The following RFTN1 variants were observed in gnomAD, a reference collection of about 807,000 sequenced individuals.
The protein encoded by RFTN1 is raftlin, lipid raft linker 1, also known as raftlin.
A neutral mutation model predicts 46.5 loss-of-function variants in RFTN1; 26 were observed. The ratio of observed to expected loss-of-function variants is 0.56; its 90% confidence interval spans 0.41 to 0.78. The LOEUF is 0.78. RFTN1 is among the 30% of genes least tolerant of loss of function. The probability of loss-of-function intolerance (pLI) is 0.00; values close to 1 mark genes in which losing one functional copy is unlikely to be tolerated. For missense variants in RFTN1, 693 were observed against 718.7 expected, an observed-to-expected ratio of 0.96 and a Z score of 0.41; for synonymous variants, 261 against 284.2, an observed-to-expected ratio of 0.92 and a Z score of 0.82.
intron 3 of RFTN1, among the ~76,000 whole-genome samples, chr3:16,432,682 A>C (rs1265764121): frequency 6.6e-6 from 1 of 152,178 alleles, no homozygotes; most frequent in Non-Finnish European, 1.5e-5. Context: ...ACAGAAAAAA[A>C]AAAGAGAGAG....
At position 16,427,725 on chromosome 3, in the gene RFTN1, G is replaced by A. The variant is rs771474655; in HGVS notation, c.332+6126C>T. On this transcript the variant is annotated intron_variant, in intron 3 of 9. Transcript: ENST00000334133. This position sits in a 1 kb window ranked among gnomAD's most constrained non-coding sequence, Gnocchi z 5.4. ...GGCTAAGTCAGCAGCTAGAGAAGTG[G>A]GCCCTGGCCTGAGGGGCTCATTACA... 2.4e-4 allele frequency among the ~76,000 whole-genome samples: 36 copies of A among 152,162 alleles called. No individual in the cohort carries two copies. The highest frequency in any genetic ancestry group is 5.0e-4 in the Non-Finnish European group (34 of 68,034).
At chr3:16,412,251 C>T (rs2074992841) in intron 3 of RFTN1, among the ~76,000 whole-genome samples, 1 of 152,108 alleles carries the variant, frequency 6.6e-6, no homozygotes, top group Non-Finnish European at 1.5e-5. Context: ...GGAATTAGCT[C>T]CTCAATTTGA....
Position 16,513,279 on chromosome 3 carries a change from G to C in RFTN1, c.-9+163C>G, listed in dbSNP as rs915900866. On this transcript the variant is annotated intron_variant, in intron 1 of 9. Transcript: ENST00000334133. This position sits in a 1 kb window ranked among gnomAD's most constrained non-coding sequence, Gnocchi z 5.4. ...CAGGTCCCCATCCGACGCGGGCCAG[G>C]GGGTGCTGCTCTGGCAGCTCCGGAG... The C allele has an allele frequency of 6.6e-6, 1 of 152,472 alleles. No homozygotes were observed. The highest frequency in any genetic ancestry group is 1.5e-5 in the Non-Finnish European group (1 of 68,246). The allele number at this position is 152,472 out of a possible 1,614,324, so 9.4% of individuals were successfully genotyped here.
chr3:16,506,763 A>G lies in RFTN1; in HGVS notation c.-9+6679T>C, dbSNP rs2076814062. Among the ~76,000 whole-genome samples the G allele has an allele frequency of 6.6e-6, 1 of 152,118 alleles. No homozygotes were observed. Among genetic ancestry groups the G allele is most frequent in the Non-Finnish European group, 1.5e-5 (1 of 68,030 alleles). ...GCTCTTGGTAATGCCTCATCTCCCT[A>G]CATGACAGTAAATTTCTGGAAGGCA... On this transcript the variant is annotated intron_variant, in intron 1 of 9. Transcript: ENST00000334133. This position sits in a 1 kb window ranked among gnomAD's most constrained non-coding sequence, Gnocchi z 4.8.
In RFTN1 at chr3:16,409,746, G is replaced by A. The variant is rs1370377349; in HGVS notation, c.333-263C>T. ...GTCGCCCAGGCTGGAGTGCAGTGGC[G>A]TGATCTCGGCTCACTGCAAGCTCCA... is the stretch of plus-strand genomic sequence containing the variant. On this transcript the variant is annotated intron_variant, in intron 3 of 9. Transcript: ENST00000334133. 1.1e-4 allele frequency among the ~76,000 whole-genome samples: 16 copies of A among 150,142 alleles called. No individual in the cohort carries two copies. The South Asian group carries it at 2.3e-3, about 22-fold the overall frequency.
At position 16,457,359 on chromosome 3, in the gene RFTN1, C is replaced by T. The variant is rs1224527810; in HGVS notation, c.146-23322G>A. On this transcript the variant is annotated intron_variant, in intron 2 of 9. Coordinates refer to ENST00000334133, the MANE Select transcript of RFTN1 (RefSeq NM_015150.2). The surrounding 1 kb of genome is among the most constrained non-coding windows in gnomAD (Gnocchi z 4.2). ...AAGTGACCTTGCATGAGTTCTTAAT[C>T]TTCCTCCAAGTATAAAAAGGAAGAA... 2.0e-5 allele frequency among the ~76,000 whole-genome samples: 3 copies of T among 152,220 alleles called. No homozygotes were observed. The highest frequency in any genetic ancestry group is 4.8e-5 in the African/African-American group (2 of 41,458).
chr3:16,487,380 C>T (rs575497071), intron 2 of RFTN1, among the ~76,000 whole-genome samples: 13 of 152,100 alleles, frequency 8.5e-5, no homozygotes, highest in Non-Finnish European at 1.5e-4. Context: ...GACCTGAAAC[C>T]GAATTTTCCT....
chr3:16,440,698 C>G lies in RFTN1; in HGVS notation c.146-6661G>C, dbSNP rs111732184. On this transcript the variant is annotated intron_variant, in intron 2 of 9. Transcript: ENST00000334133. This position sits in a 1 kb window ranked among gnomAD's most constrained non-coding sequence, Gnocchi z 4.6. ...ATGGTTACTGCTAATGGGGGGGGGG[C>G]CCAATGGTGCCAGAACTTCTAACTC... is the stretch of plus-strand genomic sequence containing the variant. Among the ~76,000 whole-genome samples the G allele has an allele frequency of 7.3e-3, 1,091 of 148,718 alleles. 16 individuals are homozygous for G. Among genetic ancestry groups the G allele is most frequent in the African/African-American group, 0.027 (1,034 of 38,414 alleles).
chr3:16,408,565 T>G (rs1473332034), intron 4 of RFTN1, among the ~76,000 whole-genome samples: 1 of 146,232 alleles, frequency 6.8e-6, no homozygotes, highest in African/African-American at 2.5e-5. Flanking sequence ...GTAGTAAATA[T>G]CATATTAAAA....
chr3:16,430,104 GT>G (rs367602281), intron 3 of RFTN1, among the ~76,000 whole-genome samples: 5 of 129,958 alleles, frequency 3.8e-5, no homozygotes, highest in South Asian at 2.4e-4. Flanking sequence ...GAAAAAGTCC[GT>G]TTTTTTTTTG....
chr3:16,317,146 T>G lies in RFTN1; in HGVS notation c.1419A>C (p.Gln473His), dbSNP rs144033936. Reference sequence around the variant, plus strand: ...CTAAGTTCTTCTCATTTTCTTCTGCTTGTTGTTTGTCTCTGGCACTGAGTT... The same window carrying G: ...CTAAGTTCTTCTCATTTTCTTCTGCGTGTTGTTTGTCTCTGGCACTGAGTT... ...KGKLSARDKQQAEENEKNLED... is the reference protein window; with the variant it reads ...KGKLSARDKQHAEENEKNLED... Residue 473 changes from glutamine to histidine, a missense_variant, in exon 10 of 10, where the codon CAA becomes CAC. Gln to His is a conservative substitution (Grantham distance 24). Coordinates refer to ENST00000334133, the MANE Select transcript of RFTN1 (RefSeq NM_015150.2). The surrounding 1 kb of genome is among the most constrained non-coding windows in gnomAD (Gnocchi z 4.3). 52 of 1,613,738 alleles carry G rather than the reference T, an allele frequency of 3.2e-5. No homozygotes were observed. In the African/African-American group the frequency reaches 5.9e-4, roughly 18 times the overall value.
intron 7 of RFTN1, among the ~76,000 whole-genome samples, chr3:16,328,769 A>G (rs2069991423): frequency 6.6e-6 from 1 of 152,208 alleles, no homozygotes; most frequent in Non-Finnish European, 1.5e-5. Flanking sequence ...TGATGCAGCT[A>G]AGTCTGAGAA....
At position 16,483,238 on chromosome 3, in the gene RFTN1, G is replaced by A. The variant is rs2076396457; in HGVS notation, c.145+10487C>T. Among the ~76,000 whole-genome samples the A allele has an allele frequency of 6.6e-6, 1 of 152,160 alleles. No homozygotes were observed. The highest frequency in any genetic ancestry group is 2.4e-5 in the African/African-American group (1 of 41,434). ...GAGGCTCTATCTAAAGGAACCCCAT[G>A]GTGAAACCCACTTTAAACCAAGAAT... On this transcript the variant is annotated intron_variant, in intron 2 of 9. Coordinates refer to ENST00000334133, the MANE Select transcript of RFTN1 (RefSeq NM_015150.2). The surrounding 1 kb of genome is among the most constrained non-coding windows in gnomAD (Gnocchi z 4.8).
chr3:16,415,428 T>TACACACACACACAC (rs1198664714), intron 3 of RFTN1, among the ~76,000 whole-genome samples: 1 of 89,884 alleles, frequency 1.1e-5, no homozygotes, highest in Non-Finnish European at 2.9e-5. Flanking sequence ...TATATATATA[T>TACACACACACACAC]ATACACACAC....
At position 16,460,648 on chromosome 3, in the gene RFTN1, G is replaced by T. The variant is rs1575324308; in HGVS notation, c.146-26611C>A. Among the ~76,000 whole-genome samples, 1 of 152,054 alleles carries T rather than the reference G, an allele frequency of 6.6e-6. No homozygotes were observed. The highest frequency in any genetic ancestry group is 1.9e-4 in the East Asian group (1 of 5,200). ...CTCATTTTCTCCTTTTTTGGTGAGG[G>T]TAGAAATATCATGTAAGAGGCCTGT... is the stretch of plus-strand genomic sequence containing the variant. On this transcript the variant is annotated intron_variant, in intron 2 of 9. Transcript: ENST00000334133. This position sits in a 1 kb window ranked among gnomAD's most constrained non-coding sequence, Gnocchi z 4.8.
At chr3:16,508,403 T>G in intron 1 of RFTN1, among the ~76,000 whole-genome samples, 1 of 152,208 alleles carries the variant, frequency 6.6e-6, no homozygotes, top group East Asian at 1.9e-4. Flanking sequence ...ATTTTCCAGC[T>G]CTTTGGTTCT....
At position 16,404,787 on chromosome 3, in the gene RFTN1, C is replaced by G. The variant is rs146537343; in HGVS notation, c.441+4588G>C. Reference sequence around the variant, plus strand: ...CTCTCCAGTCCACCTAGCCAAAGAACCTTCTGGCCACTCTGAAGCCCCTTG... The same window carrying G: ...CTCTCCAGTCCACCTAGCCAAAGAAGCTTCTGGCCACTCTGAAGCCCCTTG... On this transcript the variant is annotated intron_variant, in intron 4 of 9. Transcript: ENST00000334133. Among the ~76,000 whole-genome samples, 62 of 152,216 alleles carry G rather than the reference C, an allele frequency of 4.1e-4. 1 individual carries two copies. In the East Asian group the frequency reaches 6.4e-3, roughly 16 times the overall value.
chr3:16,496,695 CT>C (rs2076631405), intron 1 of RFTN1, among the ~76,000 whole-genome samples: 1 of 152,138 alleles, frequency 6.6e-6, no homozygotes, highest in African/African-American at 2.4e-5. Flanking sequence ...GAACGCATGC[CT>C]ATCCTGTGAC....
At chr3:16,397,373 G>A (rs1175711043) in intron 4 of RFTN1, among the ~76,000 whole-genome samples, 1 of 152,162 alleles carries the variant, frequency 6.6e-6, no homozygotes, top group East Asian at 1.9e-4. Context: ...GTAGGTCAAA[G>A]GGTACGAAAT....
Sources: gnomAD v4.1 joint callset for allele counts (sites outside exome capture counted in the v4.1 genomes callset) on GRCh38, gnomAD v4.1.1 for gene constraint, Gnocchi (gnomAD v3.1) non-coding constraint, MANE v1.5 for transcripts, NCBI Gene and HGNC (gene_info 2026-07-23, HGNC 2026-07-21) for gene names.